The following KIAA1755 variants were observed in gnomAD, a reference collection of about 807,000 sequenced individuals.
KIAA1755 encodes the protein KIAA1755, also known as uncharacterized protein KIAA1755.
In KIAA1755, 68 loss-of-function variants were observed where a neutral mutation model predicts 91.7. That is an observed-to-expected ratio of 0.74 (90% CI 0.61 to 0.91). The LOEUF (loss-of-function observed/expected upper bound fraction) is 0.91. Ranked by LOEUF, KIAA1755 falls within the 40% of genes least tolerant of loss-of-function variation. The pLI is 0.00. For missense variants in KIAA1755, 1,535 were observed against 1,494.4 expected, an observed-to-expected ratio of 1.03 and a Z score of -0.45; for synonymous variants, 610 against 604.6, an observed-to-expected ratio of 1.01 and a Z score of -0.13.
intron 4 of KIAA1755, chr20:38,233,689 C>T (rs2075907846): frequency 6.6e-6 from 1 of 152,262 alleles, no homozygotes; most frequent in Non-Finnish European, 1.5e-5. Context: ...GTGCTGCACT[C>T]CCCTGCTCTA....
chr20:38,241,265 G>A lies in KIAA1755; in HGVS notation c.866C>T (p.Ser289Phe). 2 of 1,614,158 alleles carry A rather than the reference G, an allele frequency of 1.2e-6. No individual in the cohort carries two copies. The highest frequency in any genetic ancestry group is 4.5e-5 in the East Asian group (2 of 44,870). ...LGFSQESRGE[S>F]PSREAGTSSG... Reference sequence around the variant, plus strand: ...GGATGTGCCTGCCTCCCTACTGGGAGACTCTCCTCTGCTCTCTTGGGAAAA... The same window carrying A: ...GGATGTGCCTGCCTCCCTACTGGGAAACTCTCCTCTGCTCTCTTGGGAAAA... The change falls in exon 3 of 14, where the codon TCT becomes TTT. Residue 289 changes from serine to phenylalanine, a missense_variant. Physicochemically the swap from Ser to Phe is radical, Grantham distance 155. Coordinates refer to ENST00000279024, the MANE Select transcript of KIAA1755 (RefSeq NM_001029864.2).
At chr20:38,235,879 A>T (rs1600616666) in intron 4 of KIAA1755, among the ~76,000 whole-genome samples, 2 of 152,260 alleles carry the variant, frequency 1.3e-5, no homozygotes, top group East Asian at 3.8e-4. Flanking sequence ...TCCTGAGAAC[A>T]GATCTTTATG....
At chr20:38,227,359 G>A (rs903371063) in intron 6 of KIAA1755, 119 bp from the exon 7 acceptor site, 16 of 649,386 alleles carry the variant, frequency 2.5e-5, no homozygotes, top group Middle Eastern at 2.6e-4. Flanking sequence ...GGACAGAGTG[G>A]GGTCCCTCCA....
intron 1 of KIAA1755, among the ~76,000 whole-genome samples, 153 bp from the exon 2 acceptor site, chr20:38,246,279 C>T (rs1392439386): frequency 1.3e-5 from 2 of 152,216 alleles, no homozygotes; most frequent in African/African-American, 4.8e-5. Flanking sequence ...CTGCCAGCCA[C>T]ACTGGCCTTC....
chr20:38,229,269 C>T (rs1018396742), intron 5 of KIAA1755, among the ~76,000 whole-genome samples: 1 of 152,174 alleles, frequency 6.6e-6, no homozygotes, highest in Non-Finnish European at 1.5e-5. Flanking sequence ...ATGATAGTAC[C>T]GGCCTTATGG....
At chr20:38,225,598 G>A in intron 8 of KIAA1755, 67 bp downstream of exon 8, 2 of 980,182 alleles carry the variant, frequency 2.0e-6, no homozygotes, top group South Asian at 2.6e-5. Context: ...GGATCCATGG[G>A]ACAGAAGAGT....
At chr20:38,229,663 G>A (rs1413874129) in intron 5 of KIAA1755, among the ~76,000 whole-genome samples, 1 of 152,170 alleles carries the variant, frequency 6.6e-6, no homozygotes, top group Non-Finnish European at 1.5e-5. Flanking sequence ...CAGCACACAA[G>A]CACCTGGTGT....
At chr20:38,237,677 G>C (rs2075982324) in intron 4 of KIAA1755, among the ~76,000 whole-genome samples, 1 of 152,046 alleles carries the variant, frequency 6.6e-6, no homozygotes, top group African/African-American at 2.4e-5. Context: ...GGAGTGAAAA[G>C]GTGGTTGAAC....
intron 9 of KIAA1755, chr20:38,223,077 C>A (rs569663191): frequency 6.5e-5 from 15 of 229,906 alleles, no homozygotes; most frequent in Non-Finnish European, 1.2e-4. Context: ...TACTCCTGAA[C>A]ACCCCAGGTA....
chr20:38,219,112 T>C (rs926948251), intron 11 of KIAA1755, among the ~76,000 whole-genome samples: 1 of 152,170 alleles, frequency 6.6e-6, no homozygotes, highest in Non-Finnish European at 1.5e-5. Context: ...GAGTAAGTGC[T>C]GGAGCCAGGA....
chr20:38,248,264 G>A (rs926098544), intron 1 of KIAA1755, among the ~76,000 whole-genome samples: 5 of 152,206 alleles, frequency 3.3e-5, no homozygotes, highest in East Asian at 1.9e-4. Context: ...ATATGACAAC[G>A]GAAGCAGGAT....
chr20:38,253,066 A>T (rs2076279464), intron 1 of KIAA1755, among the ~76,000 whole-genome samples: 1 of 111,812 alleles, frequency 8.9e-6, no homozygotes, highest in Non-Finnish European at 1.8e-5. Flanking sequence ...CACAGCCCGC[A>T]GCCCGGCAGG....
At position 38,227,198 on chromosome 20, in the gene KIAA1755, C is replaced by G. The variant is rs745428791; in HGVS notation, c.2008G>C (p.Glu670Gln). 3 of 1,613,920 alleles carry G rather than the reference C, an allele frequency of 1.9e-6. No homozygotes were observed. The East Asian group carries it at 6.7e-5, about 36-fold the overall frequency. Residue 670 changes from glutamate to glutamine, a missense_variant, in exon 7 of 14, where the codon GAG becomes CAG. Glu to Gln is a conservative substitution (Grantham distance 29, BLOSUM62 2). Coordinates refer to ENST00000279024, the MANE Select transcript of KIAA1755 (RefSeq NM_001029864.2). ...ASIRAILFLGEKEAALQLQTL... is the reference protein window; with the variant it reads ...ASIRAILFLGQKEAALQLQTL... ...TGCAGCTGGAGAGCCGCCTCCTTCTCCCCCAGGAAGAGAATAGCCCGGATA... is the reference window on the plus strand; with the variant it reads ...TGCAGCTGGAGAGCCGCCTCCTTCTGCCCCAGGAAGAGAATAGCCCGGATA...
intron 1 of KIAA1755, among the ~76,000 whole-genome samples, chr20:38,252,535 T>A (rs1276057449): frequency 6.6e-6 from 1 of 152,126 alleles, no homozygotes. Context: ...CCAATCCAGA[T>A]TGGGGCCTGC....
At chr20:38,215,824 T>C (rs1322293239) in intron 13 of KIAA1755, among the ~76,000 whole-genome samples, 1 of 152,158 alleles carries the variant, frequency 6.6e-6, no homozygotes, top group African/African-American at 2.4e-5. Context: ...CTCTTAATGA[T>C]AATAATAATA....
At chr20:38,251,898 T>C (rs1330433235) in intron 1 of KIAA1755, among the ~76,000 whole-genome samples, 2 of 152,110 alleles carry the variant, frequency 1.3e-5, no homozygotes, top group African/African-American at 4.8e-5. Context: ...TTTCGTCAAG[T>C]AAAATAAACA....
chr20:38,216,221 G>C (rs1266206820), intron 13 of KIAA1755, among the ~76,000 whole-genome samples: 1 of 152,208 alleles, frequency 6.6e-6, no homozygotes, highest in Non-Finnish European at 1.5e-5. Context: ...AGACTCCAAG[G>C]CTCGGATTCC....
chr20:38,217,922 C>T (rs2075580540), intron 12 of KIAA1755: 2 of 425,628 alleles, frequency 4.7e-6, no homozygotes, highest in Non-Finnish European at 8.6e-6. Context: ...CTTGTCACAT[C>T]GCATCACGTT....
rs1358713731 is a variant in KIAA1755 at position 38,212,845 on chromosome 20, G to A, written c.*197C>T. 6 of 530,762 alleles carry A rather than the reference G, an allele frequency of 1.1e-5. No homozygotes were observed. Among genetic ancestry groups the A allele is most frequent in the Non-Finnish European group, 2.0e-5 (6 of 300,238 alleles). The allele number at this position is 530,762 out of a possible 1,614,324, so 32.9% of individuals were successfully genotyped here. ...CGCCCACTCTTGCTATTCTGCATGG[G>A]TGAAGATCGGGTCTTCCAGGAGTTT... On this transcript the variant is annotated 3_prime_UTR_variant, in exon 14 of 14. Coordinates refer to ENST00000279024, the MANE Select transcript of KIAA1755 (RefSeq NM_001029864.2).
Sources: gnomAD v4.1 joint callset for allele counts (sites outside exome capture counted in the v4.1 genomes callset) on GRCh38, gnomAD v4.1.1 for gene constraint, MANE v1.5 for transcripts, NCBI Gene and HGNC (gene_info 2026-07-23, HGNC 2026-07-21) for gene names.